The following MARCHF10 variants were observed in gnomAD, a reference collection of about 807,000 sequenced individuals.
MARCHF10 encodes membrane associated ring-CH-type finger 10.
In MARCHF10, 64 loss-of-function variants were observed where a neutral mutation model predicts 76.2. That is an observed-to-expected ratio of 0.84 (90% CI 0.69 to 1.03). The LOEUF (loss-of-function observed/expected upper bound fraction) is 1.03, where lower values mean the gene tolerates loss of function less well. Ranked by LOEUF, MARCHF10 falls within the 50% of genes least tolerant of loss-of-function variation. The probability of loss-of-function intolerance (pLI) is 0.00; values close to 1 mark genes in which losing one functional copy is unlikely to be tolerated. For synonymous variants in MARCHF10, 340 were observed against 357.5 expected (o/e 0.95, Z 0.55); for missense variants, 875 against 958.0 (o/e 0.91, Z 1.14).
Position 62,722,849 on chromosome 17 carries a change from GCTTT to G in MARCHF10, c.2105-256_2105-253del, listed in dbSNP as rs2090559087. Among the ~76,000 whole-genome samples, 4 of 152,086 alleles carry G rather than the reference GCTTT, an allele frequency of 2.6e-5. No homozygotes were observed. The South Asian group carries it at 8.3e-4, about 32-fold the overall frequency. ...CCACGACTTTTAAATAGCAGATCTTGCTTTCTATTTAAATATAAACAGGATGGTT... is the reference window on the plus strand; with the variant it reads ...CCACGACTTTTAAATAGCAGATCTTGCTATTTAAATATAAACAGGATGGTT... On this transcript the variant is annotated intron_variant, in intron 7 of 10. Coordinates refer to ENST00000311269, the MANE Select transcript of MARCHF10 (RefSeq NM_152598.4).
At position 62,736,554 on chromosome 17, in the gene MARCHF10, T is replaced by TGATA. The variant is rs1471039015; in HGVS notation, c.1313_1314insTATC (p.Tyr439IlefsTer15). On this transcript the variant is annotated frameshift_variant, in exon 6 of 11. Coordinates refer to ENST00000311269, the MANE Select transcript of MARCHF10 (RefSeq NM_152598.4). LOFTEE classifies it high-confidence loss of function. ...AACTGTTTAAATAGTCTTTCCAGTATCCTTCAGAATCATGGGTGCCAGGCC... is the reference window on the plus strand; with the variant it reads ...AACTGTTTAAATAGTCTTTCCAGTATGATACCTTCAGAATCATGGGTGCCAGGCC... The TGATA allele has an allele frequency of 6.2e-7, 1 of 1,614,200 alleles. No homozygotes were observed. The highest frequency in any genetic ancestry group is 1.7e-5 in the Admixed American group (1 of 60,022).
At chr17:62,800,298 A>G (rs971400691) in intron 2 of MARCHF10, among the ~76,000 whole-genome samples, 1 of 152,214 alleles carries the variant, frequency 6.6e-6, no homozygotes, top group African/African-American at 2.4e-5. Context: ...TAAAACTATA[A>G]GATTGATTTT....
At chr17:62,798,734 A>G (rs1026230903) in intron 2 of MARCHF10, among the ~76,000 whole-genome samples, 1 of 152,230 alleles carries the variant, frequency 6.6e-6, no homozygotes, top group Non-Finnish European at 1.5e-5. Context: ...GAAGGACACG[A>G]TGTCTACAGA....
rs1389801714 is a variant in MARCHF10, at chr17:62,738,996, A to T, written c.536-1664T>A. ...CGTAAGCAACTGAATTCTCCTGAAA[A>T]TTTTTTAAAATAGAAAAGGGGGCTG... On this transcript the variant is annotated intron_variant, in intron 5 of 10. Transcript: ENST00000311269. This position sits in a 1 kb window ranked among gnomAD's most constrained non-coding sequence, Gnocchi z 4.0. Among the ~76,000 whole-genome samples the T allele has an allele frequency of 1.3e-5, 2 of 152,214 alleles. No homozygotes were observed. The highest frequency in any genetic ancestry group is 3.4e-3 in the Middle Eastern group (1 of 294).
intron 8 of MARCHF10, among the ~76,000 whole-genome samples, chr17:62,716,171 C>T (rs942542414): frequency 6.6e-6 from 1 of 152,350 alleles, no homozygotes; most frequent in Non-Finnish European, 1.5e-5. Flanking sequence ...TTGTTTTGAC[C>T]TCCACCTGCA....
At chr17:62,751,505 C>A (rs1160441541) in intron 4 of MARCHF10, among the ~76,000 whole-genome samples, 1 of 152,144 alleles carries the variant, frequency 6.6e-6, no homozygotes, top group African/African-American at 2.4e-5. Context: ...GACAGCTGCC[C>A]AAACCCTGGT....
intron 2 of MARCHF10, among the ~76,000 whole-genome samples, chr17:62,792,662 A>AACCACC: frequency 8.2e-6 from 1 of 122,304 alleles, no homozygotes; most frequent in East Asian, 2.4e-4. Context: ...CACAACCATC[A>AACCACC]ACCACCACCA....
intron 2 of MARCHF10, among the ~76,000 whole-genome samples, chr17:62,790,446 G>C (rs951604396): frequency 6.6e-6 from 1 of 152,232 alleles, no homozygotes; most frequent in African/African-American, 2.4e-5. Flanking sequence ...AAAGTGCTGA[G>C]ATTACAGGCA....
chr17:62,726,234 A>G (rs1177468048), intron 6 of MARCHF10: 2 of 152,240 alleles, frequency 1.3e-5, no homozygotes, highest in Admixed American at 1.3e-4. Flanking sequence ...TAAGAAGCCT[A>G]AGGCTATTTT....
intron 4 of MARCHF10, among the ~76,000 whole-genome samples, chr17:62,751,314 T>C (rs2091891657): frequency 6.6e-6 from 1 of 152,070 alleles, no homozygotes; most frequent in South Asian, 2.1e-4. Context: ...ACGAGACGGG[T>C]GTTTTTTCTA....
chr17:62,801,656 G>A lies in MARCHF10; in HGVS notation c.80C>T (p.Ser27Phe), dbSNP rs749149582. 2 of 1,613,938 alleles carry A rather than the reference G, an allele frequency of 1.2e-6. No individual in the cohort carries two copies. Among genetic ancestry groups the A allele is most frequent in the East Asian group, 4.5e-5 (2 of 44,874 alleles). Residue 27 changes from serine to phenylalanine, a missense_variant, in exon 2 of 11, where the codon TCT (serine) becomes TTT (phenylalanine). Ser to Phe is a radical substitution (Grantham distance 155, BLOSUM62 -2). Transcript: ENST00000311269. The stretch of plus-strand genomic sequence containing the variant: ...GCTTTCTGCAATTACCTGATACTCA[G>A]AGTCCACCTTATGCTGCATGTCCCG... ...YLRDMQHKVD[S>F]EYQACLRRQE... is the part of the protein sequence containing the mutation.
chr17:62,779,050 C>A (rs1270385815), intron 3 of MARCHF10, among the ~76,000 whole-genome samples: 3 of 152,218 alleles, frequency 2.0e-5, no homozygotes, highest in African/African-American at 7.2e-5. Flanking sequence ...GCTGCACATT[C>A]TCTCTCCATG....
At chr17:62,730,051 G>A (rs181571787) in intron 6 of MARCHF10, among the ~76,000 whole-genome samples, 1 of 151,960 alleles carries the variant, frequency 6.6e-6, no homozygotes, top group African/African-American at 2.4e-5. Flanking sequence ...GTGAGGTGGC[G>A]CCTGCCTGTA....
At chr17:62,783,137 G>A (rs1331680410) in intron 3 of MARCHF10, among the ~76,000 whole-genome samples, 1 of 148,110 alleles carries the variant, frequency 6.8e-6, no homozygotes, top group Non-Finnish European at 1.5e-5. Context: ...CTGAGGGACA[G>A]TGTCATAGTG....
intron 1 of MARCHF10, among the ~76,000 whole-genome samples, chr17:62,804,006 C>G (rs950417805): frequency 6.6e-6 from 1 of 152,192 alleles, no homozygotes; most frequent in Admixed American, 6.5e-5. Flanking sequence ...GGGGAAGAGT[C>G]GGGATGTGAA....
chr17:62,776,146 T>C (rs1568194221), intron 3 of MARCHF10, among the ~76,000 whole-genome samples: 1 of 152,170 alleles, frequency 6.6e-6, no homozygotes, highest in African/African-American at 2.4e-5. Context: ...GAAACATTTT[T>C]CAAAATAGAG....
rs145863761 is a variant in MARCHF10 at position 62,805,504 on chromosome 17, C to T, written c.-18+2573G>A. Among the ~76,000 whole-genome samples, 5 of 152,314 alleles carry T rather than the reference C, an allele frequency of 3.3e-5. 1 individual carries two copies. The highest frequency in any genetic ancestry group is 2.1e-4 in the South Asian group (1 of 4,824). ...ATATAGAAAGCCGGTTAATCTATCACGGCTTTAGAGCAGGGTTAATTTAAG... is the reference window on the plus strand; with the variant it reads ...ATATAGAAAGCCGGTTAATCTATCATGGCTTTAGAGCAGGGTTAATTTAAG... On this transcript the variant is annotated intron_variant, in intron 1 of 10. Transcript: ENST00000311269.
chr17:62,740,851 C>T (rs1420925375), intron 5 of MARCHF10, among the ~76,000 whole-genome samples: 1 of 152,040 alleles, frequency 6.6e-6, no homozygotes, highest in African/African-American at 2.4e-5. Context: ...TGGTCTTGAA[C>T]CTCTGGCTTC....
Position 62,775,507 on chromosome 17 carries a change from C to G in MARCHF10, c.210+12973G>C, listed in dbSNP as rs559121059. Among the ~76,000 whole-genome samples, 250 of 146,796 alleles carry G rather than the reference C, an allele frequency of 1.7e-3. 3 individuals carry two copies. The highest frequency in any genetic ancestry group is 6.1e-3 in the African/African-American group (237 of 39,054). ...TAGTTTACCAACACTGTCAGCCACT[C>G]GGGGGGGGGCGTGGCTTATTAATTA... is the stretch of plus-strand genomic sequence containing the variant. On this transcript the variant is annotated intron_variant, in intron 3 of 10. Coordinates refer to ENST00000311269, the MANE Select transcript of MARCHF10 (RefSeq NM_152598.4).
Sources: allele counts gnomAD v4.1 joint callset (sites outside exome capture counted in the v4.1 genomes callset), GRCh38; gene constraint gnomAD v4.1.1; non-coding constraint Gnocchi (gnomAD v3.1); transcripts MANE v1.5; gene names NCBI Gene and HGNC (gene_info 2026-07-23, HGNC 2026-07-21).